Variants in PARD3 observed in about 807,000 individuals in gnomAD.
The protein encoded by PARD3 is par-3 family cell polarity regulator, also known as partitioning defective 3 homolog.
Under a neutral mutation model 155.4 loss-of-function variants are expected in PARD3, and 75 were observed. The ratio of observed to expected loss-of-function variants is 0.48; its 90% CI spans 0.40 to 0.58. The LOEUF (loss-of-function observed/expected upper bound fraction) is 0.58, where lower values mean the gene tolerates loss of function less well. Among genes scored for constraint, PARD3 ranks in the 20% least tolerant of loss-of-function variants. The pLI is 0.00. For synonymous variants in PARD3, 576 were observed against 610.5 expected, an observed-to-expected ratio of 0.94 and a Z score of 0.83; for missense variants, 1,642 against 1,721.7, an observed-to-expected ratio of 0.95 and a Z score of 0.82.
intron 1 of PARD3, among the ~76,000 whole-genome samples, chr10:34,721,980 C>A (rs1292345721): frequency 4.6e-5 from 7 of 152,048 alleles, no homozygotes; most frequent in Non-Finnish European, 1.0e-4. Context: ...GAGTTCAAGA[C>A]CAGCCTGGGC....
At chr10:34,488,613 T>C (rs995342204) in intron 3 of PARD3, 59 of 152,406 alleles carry the variant, frequency 3.9e-4, no homozygotes, top group Non-Finnish European at 7.3e-4. Flanking sequence ...GCTTCCTGTG[T>C]CCTGGGGCTT....
intron 1 of PARD3, among the ~76,000 whole-genome samples, chr10:34,789,821 G>A (rs61745805): frequency 0.012 from 1,869 of 152,180 alleles, 50 homozygotes; most frequent in African/African-American, 0.044. Context: ...TAAGAATATG[G>A]GTGTTTACTA....
intron 22 of PARD3, among the ~76,000 whole-genome samples, chr10:34,193,167 C>T (rs141745690): frequency 2.2e-4 from 34 of 152,260 alleles, no homozygotes; most frequent in African/African-American, 7.5e-4. Flanking sequence ...ATTAGATGCA[C>T]GTTTCTCTCA....
chr10:34,332,801 T>C (rs79439555), intron 18 of PARD3, among the ~76,000 whole-genome samples: 4,115 of 152,290 alleles, frequency 0.027, 174 homozygotes, highest in African/African-American at 0.094. Context: ...GTTCATGAGA[T>C]TTATTTCTTT....
chr10:34,548,988 A>G (rs1287007088), intron 2 of PARD3, among the ~76,000 whole-genome samples: 1 of 152,216 alleles, frequency 6.6e-6, no homozygotes, highest in African/African-American at 2.4e-5. Context: ...CAGCATTTCC[A>G]GAGAGTGGGC....
At chr10:34,560,064 T>C (rs1317257168) in intron 2 of PARD3, among the ~76,000 whole-genome samples, 2 of 152,184 alleles carry the variant, frequency 1.3e-5, no homozygotes, top group African/African-American at 4.8e-5. Context: ...ATAAATCTTA[T>C]TGCACATACA....
intron 3 of PARD3, chr10:34,488,663 G>C (rs897997789): frequency 2.0e-5 from 3 of 152,656 alleles, no homozygotes; most frequent in African/African-American, 7.2e-5. Context: ...GCCGTCGTCC[G>C]CCTGGAAGCC....
chr10:34,162,412 G>A lies in PARD3; in HGVS notation c.3420-30829C>T, dbSNP rs777612300. Among the ~76,000 whole-genome samples the A allele has an allele frequency of 1.6e-4, 24 of 152,084 alleles. 1 individual carries two copies. Among genetic ancestry groups the A allele is most frequent in the Admixed American group, 2.6e-4 (4 of 15,284 alleles). ...CTATTCCACTCACTCTTCGATGTCC[G>A]CATGCCTAATTTTTCGTGGTCGTGA... is the stretch of plus-strand genomic sequence containing the variant. On this transcript the variant is annotated intron_variant, in intron 22 of 24. Coordinates refer to ENST00000374788, the MANE Select transcript of PARD3 (RefSeq NM_001184785.2).
At chr10:34,272,513 T>C (rs150569806) in intron 21 of PARD3, among the ~76,000 whole-genome samples, 1,775 of 152,276 alleles carry the variant, frequency 0.012, 9 homozygotes, top group Non-Finnish European at 0.018. Flanking sequence ...GCGTGCTGCT[T>C]GAGCCCAGGA....
At chr10:34,372,090 C>T (rs974185441) in intron 12 of PARD3, among the ~76,000 whole-genome samples, 1 of 152,036 alleles carries the variant, frequency 6.6e-6, no homozygotes, top group African/African-American at 2.4e-5. Flanking sequence ...CCTGTGTATA[C>T]TTTTTTTACT....
At chr10:34,445,833 C>A (rs912514229) in intron 5 of PARD3, among the ~76,000 whole-genome samples, 1 of 151,432 alleles carries the variant, frequency 6.6e-6, no homozygotes, top group East Asian at 1.9e-4. Context: ...AACTTCTGGT[C>A]GTCACTCCCC....
At chr10:34,244,402 A>C (rs2133684505) in intron 22 of PARD3, among the ~76,000 whole-genome samples, 1 of 152,334 alleles carries the variant, frequency 6.6e-6, no homozygotes, top group South Asian at 2.1e-4. Context: ...CAGGAAGAAA[A>C]CACAGACGAA....
chr10:34,412,145 T>C (rs1339575081), intron 5 of PARD3, among the ~76,000 whole-genome samples: 3 of 152,026 alleles, frequency 2.0e-5, no homozygotes, highest in Non-Finnish European at 2.9e-5. Flanking sequence ...TAAATATTTG[T>C]ACAGACTGGG....
At chr10:34,299,871 T>C (rs1957070340) in intron 20 of PARD3, among the ~76,000 whole-genome samples, 1 of 152,230 alleles carries the variant, frequency 6.6e-6, no homozygotes, top group Non-Finnish European at 1.5e-5. Flanking sequence ...GGTCTACCTT[T>C]TTAAAAATAA....
At chr10:34,432,215 C>A (rs1227482071) in intron 5 of PARD3, among the ~76,000 whole-genome samples, 1 of 151,448 alleles carries the variant, frequency 6.6e-6, no homozygotes, top group Non-Finnish European at 1.5e-5. Context: ...TAGGAAAACG[C>A]AGAATTGATT....
intron 22 of PARD3, among the ~76,000 whole-genome samples, chr10:34,201,301 T>C (rs1334578349): frequency 6.6e-6 from 1 of 152,244 alleles, no homozygotes; most frequent in Non-Finnish European, 1.5e-5. Flanking sequence ...CTTCTGTTCG[T>C]TGCTGCTTCA....
intron 5 of PARD3, among the ~76,000 whole-genome samples, chr10:34,432,398 T>A (rs142525677): frequency 6.7e-6 from 1 of 149,954 alleles, no homozygotes; most frequent in Admixed American, 6.6e-5. Context: ...GTATAATATA[T>A]AGTACCTGGC....
chr10:34,785,738 T>G (rs1840882350), intron 1 of PARD3, among the ~76,000 whole-genome samples: 2 of 152,176 alleles, frequency 1.3e-5, no homozygotes, highest in East Asian at 3.8e-4. Flanking sequence ...CAGGCTCATG[T>G]GAAGGTCTTA....
chr10:34,793,537 G>A (rs556403225), intron 1 of PARD3, among the ~76,000 whole-genome samples: 58 of 152,224 alleles, frequency 3.8e-4, no homozygotes, highest in African/African-American at 1.3e-3. Flanking sequence ...CTGTAATCCC[G>A]GCACTTTGGG....
Sources: gnomAD v4.1 joint callset for allele counts (sites outside exome capture counted in the v4.1 genomes callset) on GRCh38, gnomAD v4.1.1 for gene constraint, MANE v1.5 for transcripts, NCBI Gene and HGNC (gene_info 2026-07-23, HGNC 2026-07-21) for gene names.